The following LMO7 variants were observed in gnomAD, a reference collection of about 807,000 sequenced individuals.
LMO7 encodes LIM domain only protein 7.
A neutral mutation model predicts 206.5 loss-of-function variants in LMO7; 120 were observed. The ratio of observed to expected loss-of-function variants is 0.58; its 90% CI spans 0.50 to 0.68. The LOEUF is 0.68. Among genes scored for constraint, LMO7 ranks in the 30% least tolerant of loss-of-function variants. The pLI, the probability that LMO7 is intolerant of heterozygous loss-of-function variation, is 0.00. For missense variants in LMO7, 1,959 were observed against 1,957.9 expected (o/e 1.00, Z -0.01); for synonymous variants, 706 against 681.5 (o/e 1.04, Z -0.56).
Position 75,621,610 on chromosome 13 carries a change from G to C in LMO7, c.-84G>C, listed in dbSNP as rs191638190. ...TTGAATTTTGATGAATTTCAATATGGTGCTACAGTGATAGGGCAAGTGCAA... is the reference window on the plus strand; with the variant it reads ...TTGAATTTTGATGAATTTCAATATGCTGCTACAGTGATAGGGCAAGTGCAA... On this transcript the variant is annotated 5_prime_UTR_variant, in exon 1 of 30. Coordinates refer to the LMO7 transcript ENST00000341547. The C allele has an allele frequency of 2.0e-5, 12 of 595,822 alleles. No individual in the cohort carries two copies. In the East Asian group the frequency reaches 2.4e-4, roughly 12 times the overall value. The allele number at this position is 595,822 out of a possible 1,614,324, so 36.9% of individuals were successfully genotyped here. A position where few individuals can be genotyped will look rare whatever the true frequency, so the allele number is the denominator to read the frequency against.
chr13:75,788,437 A>T (rs951824834), intron 4 of LMO7, among the ~76,000 whole-genome samples: 5 of 144,162 alleles, frequency 3.5e-5, no homozygotes, highest in Non-Finnish European at 7.5e-5. Flanking sequence ...GGGCAAAAAG[A>T]GCAAAACTCT....
At chr13:75,744,002 C>G (rs1319952740) in intron 3 of LMO7, among the ~76,000 whole-genome samples, 1 of 152,166 alleles carries the variant, frequency 6.6e-6, no homozygotes, top group Non-Finnish European at 1.5e-5. Context: ...TATGAATAAA[C>G]TGAAGATTGT....
intron 1 of LMO7, among the ~76,000 whole-genome samples, chr13:75,681,718 G>GTATGTATATATATATATATATATA (rs1555293391): frequency 1.9e-5 from 2 of 104,578 alleles, no homozygotes; most frequent in Non-Finnish European, 3.9e-5. Context: ...ATATATATAT[G>GTATGTATATATATATATATATATA]TATATATATA....
In LMO7 at chr13:75,636,571, C is replaced by T; in HGVS notation, c.-87C>T. ...CCGGAGTTGTGGGAGGCCCGCGTGC[C>T]CTCCCCGCCCGTGGGGCCCAGACGC... On this transcript the variant is annotated 5_prime_UTR_variant, in exon 1 of 31. Coordinates refer to ENST00000377534, the MANE Select transcript of LMO7 (RefSeq NM_001306080.2). 1 of 1,534,944 alleles carries T rather than the reference C, an allele frequency of 6.5e-7. No homozygotes were observed. The highest frequency in any genetic ancestry group is 8.7e-7 in the Non-Finnish European group (1 of 1,145,436).
At chr13:75,638,936 C>T (rs1330881948) in intron 1 of LMO7, among the ~76,000 whole-genome samples, 1 of 152,020 alleles carries the variant, frequency 6.6e-6, no homozygotes, top group African/African-American at 2.4e-5. Flanking sequence ...TGCCCTATTC[C>T]TTTACACATT....
At chr13:75,679,488 C>T (rs1317087967) in intron 1 of LMO7, among the ~76,000 whole-genome samples, 1 of 152,186 alleles carries the variant, frequency 6.6e-6, no homozygotes, top group Non-Finnish European at 1.5e-5. Flanking sequence ...CATTTTTGGA[C>T]CACCTGCATC....
intron 4 of LMO7, among the ~76,000 whole-genome samples, chr13:75,764,103 G>C (rs950681459): frequency 8.6e-5 from 13 of 151,630 alleles, no homozygotes; most frequent in African/African-American, 3.2e-4. Context: ...ATTTATTTAG[G>C]GACTACATGT....
intron 29 of LMO7, among the ~76,000 whole-genome samples, chr13:75,855,785 A>G (rs984264039): frequency 1.3e-5 from 2 of 152,192 alleles, no homozygotes; most frequent in Admixed American, 1.3e-4. Flanking sequence ...CATTGTAGCT[A>G]TTTTTATAAT....
intron 1 of LMO7, among the ~76,000 whole-genome samples, chr13:75,680,541 A>G (rs1179988753): frequency 6.6e-6 from 1 of 151,100 alleles, no homozygotes; most frequent in Non-Finnish European, 1.5e-5. Context: ...CTATTTCTCC[A>G]CAGCCTTGAC....
In LMO7 at chr13:75,643,911, A is replaced by G. The variant is rs114548359; in HGVS notation, c.69+7185A>G. On this transcript the variant is annotated intron_variant, in intron 1 of 30. Coordinates refer to ENST00000377534, the MANE Select transcript of LMO7 (RefSeq NM_001306080.2). Reference sequence around the variant, plus strand: ...AATGCTCAGTTTGGTGCTTGAGTGCATTTTTATGTTGGTATACAGCACCTG... The same window carrying G: ...AATGCTCAGTTTGGTGCTTGAGTGCGTTTTTATGTTGGTATACAGCACCTG... Among the ~76,000 whole-genome samples the G allele has an allele frequency of 4.9e-3, 743 of 152,250 alleles. 3 individuals are homozygous for G. The highest frequency in any genetic ancestry group is 0.017 in the African/African-American group (718 of 41,546).
chr13:75,819,205 GAGAC>G, intron 12 of LMO7, 184 bp from the exon 13 acceptor site: 1 of 524,422 alleles, frequency 1.9e-6, no homozygotes, highest in Non-Finnish European at 3.2e-6. Context: ...TCAGGTTTTT[GAGAC>G]AGACACATGA....
chr13:75,705,179 C>A (rs182424011), intron 1 of LMO7, among the ~76,000 whole-genome samples: 97 of 152,290 alleles, frequency 6.4e-4, no homozygotes, highest in African/African-American at 2.2e-3. Context: ...CGCTTCCTAG[C>A]TTCTTTGCCA....
At chr13:75,685,435 A>C (rs1239949369) in intron 1 of LMO7, among the ~76,000 whole-genome samples, 1 of 152,200 alleles carries the variant, frequency 6.6e-6, no homozygotes, top group Non-Finnish European at 1.5e-5. Context: ...AAGAATGCCA[A>C]AGAGAGAGAC....
chr13:75,853,409 CTTTCTT>C, intron 28 of LMO7, 21 bp downstream of exon 28: 1 of 1,536,762 alleles, frequency 6.5e-7, no homozygotes, highest in East Asian at 2.3e-5. Flanking sequence ...TGCTGTTTCT[CTTTCTT>C]CTCTTAGTCT....
intron 2 of LMO7, among the ~76,000 whole-genome samples, chr13:75,718,631 C>T (rs543249955): frequency 2.0e-5 from 3 of 152,274 alleles, no homozygotes; most frequent in East Asian, 3.9e-4. Context: ...GATGGACCTA[C>T]ATTGACACAT....
At chr13:75,691,362 A>G (rs2041461832) in intron 1 of LMO7, among the ~76,000 whole-genome samples, 1 of 152,218 alleles carries the variant, frequency 6.6e-6, no homozygotes, top group African/African-American at 2.4e-5. Flanking sequence ...CTTTATCATA[A>G]GAAAAGATGC....
chr13:75,796,372 G>A (rs914161383), intron 5 of LMO7, among the ~76,000 whole-genome samples: 3 of 151,870 alleles, frequency 2.0e-5, no homozygotes, highest in African/African-American at 7.3e-5. Flanking sequence ...TTCCCTCTTC[G>A]TATATACTAG....
chr13:75,658,037 A>G (rs761184846), intron 1 of LMO7, among the ~76,000 whole-genome samples: 4 of 149,828 alleles, frequency 2.7e-5, no homozygotes, highest in Non-Finnish European at 5.9e-5. Context: ...GAAAGTGGCC[A>G]ACCTTTCCCA....
Position 75,807,900 on chromosome 13 carries a change from C to G in LMO7, c.1617C>G (p.His539Gln). 3.7e-6 allele frequency: 6 copies of G among 1,613,946 alleles called. No individual in the cohort carries two copies. Among genetic ancestry groups the G allele is most frequent in the Non-Finnish European group, 5.1e-6 (6 of 1,179,862 alleles). Residue 539 changes from histidine to glutamine, a missense_variant, in exon 10 of 31, where the codon CAC (histidine) becomes CAG (glutamine). Coordinates refer to ENST00000377534, the MANE Select transcript of LMO7 (RefSeq NM_001306080.2). ...TGTCTGGGGCCCCAGATAGATACCA[C>G]CCAGTCCCTTTTCCCGAACCCTGGA... Reference protein sequence around the residue: ...VPLSGAPDRYHPVPFPEPWTL... With the variant: ...VPLSGAPDRYQPVPFPEPWTL...
Sources: gnomAD v4.1 joint callset for allele counts (sites outside exome capture counted in the v4.1 genomes callset) on GRCh38, gnomAD v4.1.1 for gene constraint, MANE v1.5 for transcripts, NCBI Gene and HGNC (gene_info 2026-07-23, HGNC 2026-07-21) for gene names.